The following STK32C variants were observed in gnomAD, a reference collection of about 807,000 sequenced individuals.
STK32C encodes serine/threonine-protein kinase 32C.
STK32C carries 31 observed loss-of-function variants against 56.5 expected under a neutral mutation model. The observed-to-expected ratio is 0.55, with a 90% CI of 0.41 to 0.74. The LOEUF is 0.74. Among genes scored for constraint, STK32C ranks in the 30% least tolerant of loss-of-function variants. STK32C has a pLI of 0.00. For missense variants in STK32C, 544 were observed against 676.9 expected (o/e 0.80, Z 2.18); for synonymous variants, 309 against 289.4 (o/e 1.07, Z -0.69).
At chr10:132,261,624 G>T (rs942055004) in intron 1 of STK32C, among the ~76,000 whole-genome samples, 1 of 152,162 alleles carries the variant, frequency 6.6e-6, no homozygotes, top group African/African-American at 2.4e-5. Context: ...AATTAGTCAG[G>T]CATGGTGGTG....
chr10:132,232,028 T>G (rs894282779), intron 2 of STK32C, among the ~76,000 whole-genome samples: 1 of 152,236 alleles, frequency 6.6e-6, no homozygotes, highest in Non-Finnish European at 1.5e-5. Context: ...CCACGCCTCC[T>G]GTGTCTCTGC....
At chr10:132,268,651 G>A (rs2064694332) in intron 1 of STK32C, among the ~76,000 whole-genome samples, 2 of 151,096 alleles carry the variant, frequency 1.3e-5, no homozygotes, top group African/African-American at 4.9e-5. Context: ...GTCGGTGTGT[G>A]TGCATGCATG....
intron 1 of STK32C, chr10:132,249,155 C>A (rs775806340): frequency 3.3e-5 from 7 of 213,246 alleles, no homozygotes; most frequent in African/African-American, 6.7e-5. Flanking sequence ...GGGGGCGGGG[C>A]GTGCAGGGGG....
Position 132,255,287 on chromosome 10 carries a change from G to A in STK32C, c.263-9332C>T, listed in dbSNP as rs2064075240. ...GGGCTCCTGACTTAGGAAATACCGG[G>A]CCAGGTGGAAGAGTTGGAACCGGCC... is the stretch of plus-strand genomic sequence containing the variant. On this transcript the variant is annotated intron_variant, in intron 1 of 11. Transcript: ENST00000298630. The surrounding 1 kb of genome is among the most constrained non-coding windows in gnomAD (Gnocchi z 4.6). Among the ~76,000 whole-genome samples the A allele has an allele frequency of 6.6e-6, 1 of 152,098 alleles. No homozygotes were observed. The highest frequency in any genetic ancestry group is 1.5e-5 in the Non-Finnish European group (1 of 68,032).
chr10:132,248,286 C>G (rs1044510495), intron 1 of STK32C, among the ~76,000 whole-genome samples: 3 of 152,346 alleles, frequency 2.0e-5, no homozygotes, highest in Middle Eastern at 3.4e-3. Flanking sequence ...AGTGAGAGGG[C>G]AGCTGGGCCG....
chr10:132,256,059 T>C (rs1454891661), intron 1 of STK32C, among the ~76,000 whole-genome samples: 1 of 152,166 alleles, frequency 6.6e-6, no homozygotes, highest in Non-Finnish European at 1.5e-5. Context: ...CCTTCCAGCC[T>C]CGGGGAGCCA....
intron 1 of STK32C, among the ~76,000 whole-genome samples, chr10:132,257,065 G>A (rs1163971802): frequency 6.6e-6 from 1 of 152,198 alleles, no homozygotes; most frequent in African/African-American, 2.4e-5. Context: ...GCAGGGCCCT[G>A]TGTCCTGGGG....
chr10:132,311,494 TG>T (rs1200382115), upstream of STK32C, among the ~76,000 whole-genome samples: 1 of 152,328 alleles, frequency 6.6e-6, no homozygotes, highest in East Asian at 1.9e-4. This position sits in a 1 kb window ranked among gnomAD's most constrained non-coding sequence, Gnocchi z 4.4. Flanking sequence ...AGCCCACGTG[TG>T]GGGACACTTG....
chr10:132,305,971 C>G (rs1021097417), intron 1 of STK32C, among the ~76,000 whole-genome samples: 5 of 152,238 alleles, frequency 3.3e-5, no homozygotes, highest in Admixed American at 2.0e-4. Context: ...CTACTACAGG[C>G]AAATACGGTG....
chr10:132,272,418 T>C (rs998721555), intron 1 of STK32C, among the ~76,000 whole-genome samples: 5 of 152,188 alleles, frequency 3.3e-5, no homozygotes, highest in African/African-American at 7.2e-5. Flanking sequence ...ATGAATACAA[T>C]GTCTGAAACC....
intron 10 of STK32C, among the ~76,000 whole-genome samples, chr10:132,212,102 A>G (rs1006047663): frequency 3.3e-5 from 5 of 152,006 alleles, no homozygotes; most frequent in Admixed American, 2.6e-4. Flanking sequence ...CAACTGTCAG[A>G]CCCCTCAGCA....
At chr10:132,251,005 G>A (rs1376808341) in intron 1 of STK32C, among the ~76,000 whole-genome samples, 2 of 152,144 alleles carry the variant, frequency 1.3e-5, no homozygotes, top group African/African-American at 4.8e-5. Context: ...GGCCTGGGTG[G>A]GGCCTATGGA....
Position 132,209,014 on chromosome 10 carries a change from C to A in STK32C, c.1319+20G>T. On this transcript the variant is annotated intron_variant, in intron 11 of 11. Transcript: ENST00000298630. ...TTCCTCCTCTCTGCCACCACGCCCA[C>A]CCACCCCCAACACACTCACTTTTCT... 6.2e-7 allele frequency: 1 copy of A among 1,608,320 alleles called. No homozygotes were observed. The highest frequency in any genetic ancestry group is 8.5e-7 in the Non-Finnish European group (1 of 1,175,258).
intron 1 of STK32C, among the ~76,000 whole-genome samples, chr10:132,262,825 C>G (rs75877271): frequency 5.3e-5 from 8 of 150,098 alleles, no homozygotes; most frequent in Non-Finnish European, 7.4e-5. Flanking sequence ...AAATGGCCAA[C>G]AAGCATATGA....
rs2064456469 is a variant in STK32C at position 132,265,092 on chromosome 10, G to A, written c.263-19137C>T. Among the ~76,000 whole-genome samples the A allele has an allele frequency of 2.9e-5, 3 of 102,560 alleles. No homozygotes were observed. The South Asian group carries it at 7.4e-4, about 25-fold the overall frequency. The allele number at this position is 102,560 out of a possible 152,430, so 67.3% of individuals were successfully genotyped here. A position where few individuals can be genotyped will look rare whatever the true frequency, so the allele number is the denominator to read the frequency against. ...GGGCGGTGAGGTGGGCTCTGGGGGT[G>A]CCTCAAGGGCGGTGAGGTGGGCTCT... On this transcript the variant is annotated intron_variant, in intron 1 of 11. Transcript: ENST00000298630.
intron 1 of STK32C, among the ~76,000 whole-genome samples, chr10:132,266,678 CTG>C (rs1428877207): frequency 1.3e-5 from 2 of 151,856 alleles, no homozygotes; most frequent in Non-Finnish European, 2.9e-5. Flanking sequence ...CGAGCCAGGG[CTG>C]GAGGGGAGGA....
intron 2 of STK32C, among the ~76,000 whole-genome samples, chr10:132,240,243 G>A (rs1014076037): frequency 2.0e-5 from 3 of 152,168 alleles, no homozygotes; most frequent in Admixed American, 1.3e-4. Context: ...AGTGCTGCTC[G>A]CCACCTGCAG....
chr10:132,269,375 T>C (rs2064740317), intron 1 of STK32C, among the ~76,000 whole-genome samples: 1 of 152,216 alleles, frequency 6.6e-6, no homozygotes. Context: ...GCTGCTGAGC[T>C]GCAGGACTGA....
chr10:132,247,072 A>T (rs1343376950), intron 1 of STK32C, among the ~76,000 whole-genome samples: 2 of 152,114 alleles, frequency 1.3e-5, no homozygotes, highest in African/African-American at 4.8e-5. Context: ...CCCTACACAC[A>T]TGGTTATTCT....
Sources: allele counts gnomAD v4.1 joint callset (sites outside exome capture counted in the v4.1 genomes callset), GRCh38; gene constraint gnomAD v4.1.1; non-coding constraint Gnocchi (gnomAD v3.1); transcripts MANE v1.5; gene names NCBI Gene and HGNC (gene_info 2026-07-23, HGNC 2026-07-21).